The following STK17A variants were observed in gnomAD, a reference collection of about 807,000 sequenced individuals.
STK17A encodes serine/threonine kinase 17a, also known as serine/threonine-protein kinase 17A.
Under a neutral mutation model 43.7 loss-of-function variants are expected in STK17A, and 26 were observed. The observed-to-expected ratio is 0.60, with a 90% confidence interval of 0.44 to 0.83. The LOEUF (loss-of-function observed/expected upper bound fraction) is 0.83. Among genes scored for constraint, STK17A ranks in the 40% least tolerant of loss-of-function variants. The pLI, the probability that STK17A is intolerant of heterozygous loss-of-function variation, is 0.00. For missense variants in STK17A, 476 were observed against 511.6 expected (o/e 0.93, Z 0.67); for synonymous variants, 191 against 182.5 (o/e 1.05, Z -0.38).
At chr7:43,597,559 G>C in intron 2 of STK17A, among the ~76,000 whole-genome samples, 1 of 152,064 alleles carries the variant, frequency 6.6e-6, no homozygotes, top group Non-Finnish European at 1.5e-5. Flanking sequence ...CTAATTTTTT[G>C]TATTTTTTTT....
At chr7:43,614,965 A>G (rs1431300581) in intron 3 of STK17A, among the ~76,000 whole-genome samples, 2 of 152,244 alleles carry the variant, frequency 1.3e-5, no homozygotes, top group Admixed American at 6.5e-5. Flanking sequence ...GGTATTTAAG[A>G]ACATTCATAG....
At chr7:43,624,011 C>A in intron 6 of STK17A, 123 bp downstream of exon 6, 1 of 654,474 alleles carries the variant, frequency 1.5e-6, no homozygotes, top group Non-Finnish European at 2.2e-6. Context: ...TCTAAAACAC[C>A]ATAATGGAAA....
At position 43,583,391 on chromosome 7, in the gene STK17A, G is replaced by C. The variant is rs1008606192; in HGVS notation, c.148G>C (p.Val50Leu). Reference sequence around the variant, plus strand: ...GCTGCTGACAGAGATACGCGCCGTGGTGCGCACCGAGCCCTTCCAGGACGG... The same window carrying C: ...GCTGCTGACAGAGATACGCGCCGTGCTGCGCACCGAGCCCTTCCAGGACGG... Reference protein sequence around the residue: ...RGLLTEIRAVVRTEPFQDGYS... With the variant: ...RGLLTEIRAVLRTEPFQDGYS... Residue 50 changes from valine to leucine, a missense_variant, in exon 1 of 7, where the codon GTG becomes CTG. Around this residue, in one of 3 missense-constraint regions of STK17A, gnomAD observed 320 missense variants for 326.3 expected, o/e 0.98. Coordinates refer to ENST00000319357, the MANE Select transcript of STK17A (RefSeq NM_004760.3). 1.4e-6 allele frequency: 2 copies of C among 1,445,266 alleles called. No individual in the cohort carries two copies. The highest frequency in any genetic ancestry group is 2.7e-5 in the Admixed American group (1 of 37,338). The allele number at this position is 1,445,266 out of a possible 1,614,324, so 89.5% of individuals were successfully genotyped here.
intron 4 of STK17A, among the ~76,000 whole-genome samples, chr7:43,620,165 G>C (rs4077435): frequency 0.17 from 26,314 of 152,126 alleles, 2,732 homozygotes; most frequent in East Asian, 0.32. Context: ...GCTTCTGGCA[G>C]AAAGAAAAAG....
chr7:43,614,019 A>G (rs2083113390), intron 3 of STK17A, among the ~76,000 whole-genome samples: 1 of 152,174 alleles, frequency 6.6e-6, no homozygotes, highest in African/African-American at 2.4e-5. Flanking sequence ...TTATTAACCT[A>G]TTTCTCTACT....
At chr7:43,588,500 C>T (rs2082457969) in intron 1 of STK17A, among the ~76,000 whole-genome samples, 1 of 151,436 alleles carries the variant, frequency 6.6e-6, no homozygotes, top group Non-Finnish European at 1.5e-5. Context: ...TTTCCTTGGT[C>T]CTTTCAGCGA....
chr7:43,608,616 CAAAG>C (rs1433891419), intron 3 of STK17A: 1 of 403,698 alleles, frequency 2.5e-6, no homozygotes, highest in Non-Finnish European at 4.3e-6. Flanking sequence ...AATACAATGC[CAAAG>C]AAAGGAACTC....
At chr7:43,619,973 T>G (rs374084208) in intron 4 of STK17A, among the ~76,000 whole-genome samples, 3 of 152,196 alleles carry the variant, frequency 2.0e-5, no homozygotes, top group African/African-American at 7.2e-5. Context: ...CTAAAAGGAA[T>G]AGGAGAGGAT....
chr7:43,595,351 C>T (rs767410421), intron 1 of STK17A, among the ~76,000 whole-genome samples: 3 of 148,268 alleles, frequency 2.0e-5, no homozygotes, highest in Non-Finnish European at 3.0e-5. Context: ...GATCTCAGCT[C>T]GCTGCAACCT....
rs1260082945 is a variant in STK17A, at chr7:43,624,828, G to T, written c.1231G>T (p.Glu411Ter). ...ACCTTTGCTACAAGAAATTCCAGGA[G>T]AATTTATCTACTGAGCAATATTTCC... Reference protein sequence around the residue: ...EEPLLQEIPGEFIY With the variant: ...EEPLLQEIPG Residue 411 changes from glutamate (E) to a stop codon, truncating the protein, a stop_gained, in exon 7 of 7, where the codon GAA becomes TAA. Transcript: ENST00000319357. LOFTEE classifies it high-confidence loss of function. 3 of 1,601,238 alleles carry T rather than the reference G, an allele frequency of 1.9e-6. No individual in the cohort carries two copies. The South Asian group carries it at 3.4e-5, about 18-fold the overall frequency.
At chr7:43,597,779 A>C (rs2082528301) in intron 2 of STK17A, among the ~76,000 whole-genome samples, 1 of 152,120 alleles carries the variant, frequency 6.6e-6, no homozygotes, top group Non-Finnish European at 1.5e-5. Context: ...CAAAAAATAC[A>C]AAAATTAGCT....
chr7:43,614,025 C>G (rs1207584476), intron 3 of STK17A, among the ~76,000 whole-genome samples: 1 of 152,146 alleles, frequency 6.6e-6, no homozygotes, highest in African/African-American at 2.4e-5. Context: ...ACCTATTTCT[C>G]TACTCTAACC....
rs1563142324 is a variant in STK17A at position 43,587,161 on chromosome 7, T to TG, written c.206+3712_206+3713insG. Among the ~76,000 whole-genome samples, 4 of 142,366 alleles carry TG rather than the reference T, an allele frequency of 2.8e-5. No individual in the cohort carries two copies. In the South Asian group the frequency reaches 6.7e-4, roughly 24 times the overall value. The allele number at this position is 142,366 out of a possible 152,430, so 93.4% of individuals were successfully genotyped here. ...ATGTTTTTATTGTTTTTTGTTTTTT[T>TG]TTTTTTTTTTTGAGATGGAGTCTCG... On this transcript the variant is annotated intron_variant, in intron 1 of 6. Coordinates refer to ENST00000319357, the MANE Select transcript of STK17A (RefSeq NM_004760.3).
chr7:43,592,054 A>G (rs2082483639), intron 1 of STK17A, among the ~76,000 whole-genome samples: 1 of 151,586 alleles, frequency 6.6e-6, no homozygotes, highest in African/African-American at 2.4e-5. Context: ...GTTTGCTGCC[A>G]ATTATATGTT....
At chr7:43,589,943 ATTTTATTTTATTTT>A (rs2082468424) in intron 1 of STK17A, among the ~76,000 whole-genome samples, 1 of 144,892 alleles carries the variant, frequency 6.9e-6, no homozygotes, top group African/African-American at 2.6e-5. Flanking sequence ...TTTTAATTTT[ATTTTATTTTATTTT>A]ATTTTATTTT....
At chr7:43,616,333 A>T (rs149790619) in intron 3 of STK17A, among the ~76,000 whole-genome samples, 182 of 152,276 alleles carry the variant, frequency 1.2e-3, no homozygotes, top group Middle Eastern at 3.4e-3. Flanking sequence ...CTTATTGCTA[A>T]TATTTATACT....
At chr7:43,597,904 G>T (rs1206021162) in intron 2 of STK17A, among the ~76,000 whole-genome samples, 1 of 152,002 alleles carries the variant, frequency 6.6e-6, no homozygotes, top group Non-Finnish European at 1.5e-5. Flanking sequence ...CAGCCTGGGT[G>T]ACAGAGTGAG....
intron 3 of STK17A, among the ~76,000 whole-genome samples, chr7:43,610,238 T>G (rs576761240): frequency 6.6e-6 from 1 of 150,632 alleles, no homozygotes; most frequent in Non-Finnish European, 1.5e-5. Context: ...TCCCAGCTAC[T>G]TGGGAGGCTG....
rs1448688692 is a variant in STK17A, at chr7:43,625,023, G to C, written c.*181G>C. ...GCCAGATTTTAAAAGTTGCCAACCA[G>C]GAGATTTAACAGGTACAGTTACCCG... On this transcript the variant is annotated 3_prime_UTR_variant, in exon 7 of 7. Coordinates refer to ENST00000319357, the MANE Select transcript of STK17A (RefSeq NM_004760.3). 2 of 533,106 alleles carry C rather than the reference G, an allele frequency of 3.8e-6. No individual in the cohort carries two copies. Among genetic ancestry groups the C allele is most frequent in the South Asian group, 3.1e-5 (1 of 32,020 alleles). The allele number at this position is 533,106 out of a possible 1,614,324, so 33.0% of individuals were successfully genotyped here.
Sources: gnomAD v4.1 joint callset for allele counts (sites outside exome capture counted in the v4.1 genomes callset) on GRCh38, gnomAD v4.1.1 for gene constraint, gnomAD v4.1.1 regional missense constraint, MANE v1.5 for transcripts, NCBI Gene and HGNC (gene_info 2026-07-23, HGNC 2026-07-21) for gene names.